Variants in CNNM2 observed in about 807,000 individuals in gnomAD.
CNNM2 encodes metal transporter CNNM2.
CNNM2 carries 12 observed loss-of-function variants against 66.9 expected under a neutral mutation model. The ratio of observed to expected loss-of-function variants is 0.18; its 90% CI spans 0.11 to 0.29. CNNM2 has a LOEUF of 0.29. Ranked by LOEUF, CNNM2 falls within the 10% of genes least tolerant of loss-of-function variation. The probability of loss-of-function intolerance (pLI) is 1.00; values close to 1 mark genes in which losing one functional copy is unlikely to be tolerated. For missense variants in CNNM2, 705 were observed against 1,167.7 expected, an observed-to-expected ratio of 0.60 and a Z score of 5.77; for synonymous variants, 557 against 501.8, an observed-to-expected ratio of 1.11 and a Z score of -1.47.
At position 102,950,195 on chromosome 10, in the gene CNNM2, G is replaced by A. The variant is rs151100717; in HGVS notation, c.1621+30094G>A. On this transcript the variant is annotated intron_variant, in intron 1 of 7. Transcript: ENST00000369878. ...TAATATTTCCTGAACAAGAGCATAG[G>A]CGTTGTCAGGCAAAAATGTCTAGAA... Among the ~76,000 whole-genome samples the A allele has an allele frequency of 5.8e-4, 88 of 152,246 alleles. 2 individuals are homozygous for A. In the East Asian group the frequency reaches 0.016, roughly 28 times the overall value.
In CNNM2 at chr10:103,077,402, A is replaced by G; in HGVS notation, c.*222A>G. ...TGGCAGCCGGGGCATGGCGTTCAAG[A>G]TTTTGGAGATGAACTGATTCCGCCC... On this transcript the variant is annotated 3_prime_UTR_variant, in exon 8 of 8. Transcript: ENST00000369878. 1 of 518,508 alleles carries G rather than the reference A, an allele frequency of 1.9e-6. No homozygotes were observed. Among genetic ancestry groups the G allele is most frequent in the East Asian group, 2.9e-5 (1 of 33,974 alleles). 32.1% of individuals were successfully genotyped at this position (518,508 alleles called of 1,614,324 possible).
intron 1 of CNNM2, among the ~76,000 whole-genome samples, chr10:102,946,629 C>T (rs1177853944): frequency 6.6e-6 from 1 of 152,084 alleles, no homozygotes; most frequent in Non-Finnish European, 1.5e-5. Context: ...TTCTTCACTC[C>T]TAGGTTAAAC....
intron 1 of CNNM2, among the ~76,000 whole-genome samples, chr10:102,951,235 C>T (rs1232342497): frequency 6.6e-6 from 1 of 151,942 alleles, no homozygotes; most frequent in Non-Finnish European, 1.5e-5. Flanking sequence ...CTCACTCTGT[C>T]ACCCAGGCTG....
intron 1 of CNNM2, among the ~76,000 whole-genome samples, chr10:102,945,577 A>C (rs1215813800): frequency 2.0e-5 from 3 of 148,650 alleles, no homozygotes; most frequent in Admixed American, 6.7e-5. Context: ...AGTGTCCTTT[A>C]CCCTCCAGCC....
chr10:102,997,325 T>C (rs1201039704), intron 1 of CNNM2, among the ~76,000 whole-genome samples: 1 of 152,198 alleles, frequency 6.6e-6, no homozygotes. Context: ...TTCAGAATCT[T>C]AGTATTTTGA....
At chr10:103,018,556 G>A (rs1412320005) in intron 1 of CNNM2, among the ~76,000 whole-genome samples, 3 of 152,114 alleles carry the variant, frequency 2.0e-5, no homozygotes, top group African/African-American at 7.2e-5. Context: ...AGATCCAAAA[G>A]TGGAGGTTCA....
chr10:103,009,083 C>T (rs1344912132), intron 1 of CNNM2, among the ~76,000 whole-genome samples: 3 of 152,070 alleles, frequency 2.0e-5, no homozygotes, highest in Admixed American at 2.0e-4. Flanking sequence ...TTGAGACCAG[C>T]CTGACCAACA....
chr10:102,984,812 A>T (rs1295855292), intron 1 of CNNM2, among the ~76,000 whole-genome samples: 1 of 151,872 alleles, frequency 6.6e-6, no homozygotes. Flanking sequence ...ACGCCTGGCT[A>T]ATTTTTGTAT....
rs530726237 is a variant in CNNM2, at chr10:103,088,595, A to C, written c.*11415A>C. ...AGAGATGGGGTTTCTCCATGTTGGTAAGGCTGGTCTCGAACTCCCGACCTC... is the reference window on the plus strand; with the variant it reads ...AGAGATGGGGTTTCTCCATGTTGGTCAGGCTGGTCTCGAACTCCCGACCTC... On this transcript the variant is annotated 3_prime_UTR_variant, in exon 8 of 8. Transcript: ENST00000369878. 50 of 158,044 alleles carry C rather than the reference A, an allele frequency of 3.2e-4. No homozygotes were observed. The highest frequency in any genetic ancestry group is 6.4e-4 in the Non-Finnish European group (46 of 71,548). 9.8% of individuals were successfully genotyped at this position (158,044 alleles called of 1,614,324 possible). A position where few individuals can be genotyped will look rare whatever the true frequency, so the allele number is the denominator to read the frequency against.
chr10:103,075,510 G>C (rs575536846), intron 6 of CNNM2, among the ~76,000 whole-genome samples: 1 of 152,270 alleles, frequency 6.6e-6, no homozygotes, highest in Non-Finnish European at 1.5e-5. Context: ...GTGTCTTCTA[G>C]CTTTCTTGAA....
Position 103,089,545 on chromosome 10 carries a change from CTT to C in CNNM2, c.*12368_*12369del, listed in dbSNP as rs564115159. ...TCTATGATAATAAAATCTTCAGAAA[CTT>C]TTCAGACGTACCTTTCATGGAGCCC... is the stretch of plus-strand genomic sequence containing the variant. On this transcript the variant is annotated 3_prime_UTR_variant, in exon 8 of 8. Coordinates refer to ENST00000369878, the MANE Select transcript of CNNM2 (RefSeq NM_017649.5). 84 of 1,415,336 alleles carry C rather than the reference CTT, an allele frequency of 5.9e-5. 3 individuals are homozygous for C. In the South Asian group the frequency reaches 1.2e-3, roughly 21 times the overall value. The allele number at this position is 1,415,336 out of a possible 1,614,324, so 87.7% of individuals were successfully genotyped here. A position where few individuals can be genotyped will look rare whatever the true frequency, so the allele number is the denominator to read the frequency against.
chr10:103,089,571 C>A lies in CNNM2; in HGVS notation c.*12391C>A. The A allele has an allele frequency of 1.4e-6, 2 of 1,423,020 alleles. No homozygotes were observed. Among genetic ancestry groups the A allele is most frequent in the South Asian group, 1.7e-5 (1 of 59,836 alleles). 88.1% of individuals were successfully genotyped at this position (1,423,020 alleles called of 1,614,324 possible). On this transcript the variant is annotated 3_prime_UTR_variant, in exon 8 of 8. Coordinates refer to ENST00000369878, the MANE Select transcript of CNNM2 (RefSeq NM_017649.5). ...TTTTCAGACGTACCTTTCATGGAGC[C>A]CCCTCCCTCCCCCGAGTAGAACCCT...
intron 1 of CNNM2, among the ~76,000 whole-genome samples, chr10:103,002,821 C>G (rs1329228516): frequency 1.3e-5 from 2 of 152,128 alleles, no homozygotes; most frequent in African/African-American, 4.8e-5. Flanking sequence ...GTGGAATGGT[C>G]TAACTGCTCT....
intron 1 of CNNM2, among the ~76,000 whole-genome samples, chr10:102,954,126 CTTT>C (rs35543663): frequency 7.7e-4 from 102 of 133,044 alleles, no homozygotes; most frequent in Admixed American, 1.1e-3. Flanking sequence ...CTTTTCTTTT[CTTT>C]TTTTTTTTTT....
chr10:102,952,541 G>A (rs1381003268), intron 1 of CNNM2, among the ~76,000 whole-genome samples: 1 of 151,628 alleles, frequency 6.6e-6, no homozygotes, highest in Admixed American at 6.6e-5. Flanking sequence ...TCCAGCCTGG[G>A]TGACAGAGTG....
chr10:103,076,608 C>T (rs2065695923), intron 7 of CNNM2, among the ~76,000 whole-genome samples: 1 of 152,156 alleles, frequency 6.6e-6, no homozygotes, highest in Admixed American at 6.5e-5. Flanking sequence ...AGGCTGAGGT[C>T]AGGAGACTTG....
Position 103,079,177 on chromosome 10 carries a change from C to G in CNNM2, c.*1997C>G, listed in dbSNP as rs1590519737. On this transcript the variant is annotated 3_prime_UTR_variant, in exon 8 of 8. Transcript: ENST00000369878. Reference sequence around the variant, plus strand: ...AACAGAGCCATCTAGATACAAAAGTCAGTTTCTTAAGATGCCTCTCACTGA... The same window carrying G: ...AACAGAGCCATCTAGATACAAAAGTGAGTTTCTTAAGATGCCTCTCACTGA... The G allele has an allele frequency of 1.3e-5, 2 of 152,218 alleles. No individual in the cohort carries two copies. The highest frequency in any genetic ancestry group is 2.9e-5 in the Non-Finnish European group (2 of 68,044). 9.4% of individuals were successfully genotyped at this position (152,218 alleles called of 1,614,324 possible).
intron 1 of CNNM2, among the ~76,000 whole-genome samples, chr10:103,026,023 G>A (rs749851421): frequency 3.9e-5 from 6 of 152,190 alleles, no homozygotes; most frequent in Non-Finnish European, 7.3e-5. Flanking sequence ...CTGTGAGAAT[G>A]GGCTTGTTAT....
At position 103,077,162 on chromosome 10, in the gene CNNM2, C is replaced by G. The variant is rs765003075; in HGVS notation, c.2610C>G (p.His870Gln). The change falls in exon 8 of 8, where the codon CAC becomes CAG. Residue 870 changes from histidine to glutamine, a missense_variant. Physicochemically the swap from His to Gln is conservative, Grantham distance 24 (BLOSUM62 0). This residue lies in a region of CNNM2 where 194 missense variants were observed against 227.6 expected (regional missense o/e 0.85). Coordinates refer to ENST00000369878, the MANE Select transcript of CNNM2 (RefSeq NM_017649.5). Reference protein sequence around the residue: ...VTHSKANHSLHNEGAI With the variant: ...VTHSKANHSLQNEGAI ...ACAGTAAGGCCAACCACAGCCTGCA[C>G]AACGAAGGCGCCATCTAGGCCGCGC... is the stretch of plus-strand genomic sequence containing the variant. The G allele has an allele frequency of 1.2e-6, 2 of 1,613,206 alleles. No individual in the cohort carries two copies. The highest frequency in any genetic ancestry group is 2.2e-5 in the South Asian group (2 of 91,052).
Sources: gnomAD v4.1 joint callset for allele counts (sites outside exome capture counted in the v4.1 genomes callset) on GRCh38, gnomAD v4.1.1 for gene constraint, gnomAD v4.1.1 regional missense constraint, MANE v1.5 for transcripts, NCBI Gene and HGNC (gene_info 2026-07-23, HGNC 2026-07-21) for gene names.